RIPOR2: variants seen among roughly 807,000 people sequenced by gnomAD.
The protein encoded by RIPOR2 is rho family-interacting cell polarization regulator 2.
RIPOR2 carries 39 observed loss-of-function variants against 114.5 expected under a neutral mutation model. That is an observed-to-expected ratio of 0.34 (90% CI 0.26 to 0.44). The LOEUF is 0.44. Among genes scored for constraint, RIPOR2 ranks in the 20% least tolerant of loss-of-function variants. The pLI, the probability that RIPOR2 is intolerant of heterozygous loss-of-function variation, is 1.00. For synonymous variants in RIPOR2, 445 were observed against 484.4 expected (o/e 0.92, Z 1.07); for missense variants, 1,007 against 1,255.1 (o/e 0.80, Z 2.99).
chr6:25,039,743 A>G (rs1361835784), intron 1 of RIPOR2, among the ~76,000 whole-genome samples: 5 of 152,238 alleles, frequency 3.3e-5, no homozygotes, highest in Non-Finnish European at 7.3e-5. Flanking sequence ...ACTTAGGATC[A>G]CAACTAATTT....
Position 24,922,684 on chromosome 6 carries a change from AC to A in RIPOR2, c.61+13153del, listed in dbSNP as rs2114111925. On this transcript the variant is annotated intron_variant, in intron 1 of 21. Coordinates refer to ENST00000643898, the MANE Select transcript of RIPOR2 (RefSeq NM_001286445.3). ...AGACCAGCCTGGCCAATGTGGTGAA[AC>A]CCTGTCTCTACCAAAAATACAAAAA... 1.3e-5 allele frequency among the ~76,000 whole-genome samples: 2 copies of A among 151,906 alleles called. 1 individual carries two copies. The highest frequency in any genetic ancestry group is 1.3e-4 in the Admixed American group (2 of 15,252).
rs1288366051 is a variant in RIPOR2, at chr6:24,869,120, T to C, written c.475A>G (p.Arg159Gly). ...KQIKTIERYM[R>G]RLEFHISKVD... Reference sequence around the variant, plus strand: ...TTACTTATATGAAACTCCAGGCGTCTCATGTATCTTTCAATTGTTTTAATT... The same window carrying C: ...TTACTTATATGAAACTCCAGGCGTCCCATGTATCTTTCAATTGTTTTAATT... Residue 159 changes from arginine to glycine, a missense_variant, in exon 6 of 22, where the codon AGA (arginine) becomes GGA (glycine). Physicochemically the swap from Arg to Gly is moderately radical, Grantham distance 125 (BLOSUM62 -2). Coordinates refer to ENST00000643898, the MANE Select transcript of RIPOR2 (RefSeq NM_001286445.3). 3.2e-6 allele frequency: 5 copies of C among 1,586,408 alleles called. No homozygotes were observed. The highest frequency in any genetic ancestry group is 3.4e-6 in the Non-Finnish European group (4 of 1,160,476).
At chr6:24,837,416 G>T (rs971371531) in intron 14 of RIPOR2, among the ~76,000 whole-genome samples, 1 of 151,828 alleles carries the variant, frequency 6.6e-6, no homozygotes, top group African/African-American at 2.4e-5. Context: ...CACCACTCCC[G>T]GCCTTATTTA....
At chr6:24,957,784 A>G (rs535534106) in intron 1 of RIPOR2, among the ~76,000 whole-genome samples, 44 of 152,352 alleles carry the variant, frequency 2.9e-4, no homozygotes, top group Admixed American at 2.9e-3. Context: ...CTGAGGCAGG[A>G]AAATGGAGTG....
At chr6:25,024,155 C>G in intron 1 of RIPOR2, 1 of 1,155,706 alleles carries the variant, frequency 8.7e-7, no homozygotes, top group Non-Finnish European at 1.3e-6. Flanking sequence ...GGGACACCCC[C>G]TCCTGCTGGG....
chr6:24,993,875 C>T, intron 1 of RIPOR2, among the ~76,000 whole-genome samples: 1 of 152,200 alleles, frequency 6.6e-6, no homozygotes, highest in Non-Finnish European at 1.5e-5. Context: ...TACTATCTGA[C>T]TCCTGAGAGC....
At chr6:24,847,517 C>T in intron 12 of RIPOR2, 5 of 1,549,120 alleles carry the variant, frequency 3.2e-6, no homozygotes, top group Non-Finnish European at 3.5e-6. Context: ...GTCAAGCACT[C>T]CATACCCGGG....
At chr6:24,984,526 G>A (rs1196880581) in intron 1 of RIPOR2, among the ~76,000 whole-genome samples, 1 of 152,044 alleles carries the variant, frequency 6.6e-6, no homozygotes, top group African/African-American at 2.4e-5. Context: ...AGGACTAAAT[G>A]AGATAATGCA....
At chr6:24,846,069 C>T (rs1762236379) in intron 12 of RIPOR2, among the ~76,000 whole-genome samples, 1 of 152,128 alleles carries the variant, frequency 6.6e-6, no homozygotes, top group Admixed American at 6.6e-5. Flanking sequence ...GTTTTCTAAC[C>T]TTGTTCTTAT....
At chr6:25,012,476 G>A (rs1008078257) in intron 1 of RIPOR2, among the ~76,000 whole-genome samples, 4 of 152,080 alleles carry the variant, frequency 2.6e-5, no homozygotes, top group African/African-American at 9.7e-5. Context: ...CAACCTAAAT[G>A]TCCATCAATA....
intron 1 of RIPOR2, among the ~76,000 whole-genome samples, chr6:25,014,508 A>T (rs942621867): frequency 6.6e-6 from 1 of 152,238 alleles, no homozygotes; most frequent in Admixed American, 6.5e-5. Context: ...AAGATTGCAC[A>T]TGATTCTGGA....
At chr6:24,946,901 T>C (rs1181710242) in intron 1 of RIPOR2, among the ~76,000 whole-genome samples, 1 of 152,250 alleles carries the variant, frequency 6.6e-6, no homozygotes, top group African/African-American at 2.4e-5. Context: ...CCAAGTGTTT[T>C]TGAAAATTCT....
rs768496097 is a variant in RIPOR2, at chr6:24,843,094, A to G, written c.1625T>C (p.Ile542Thr). 6.2e-7 allele frequency: 1 copy of G among 1,613,882 alleles called. No homozygotes were observed. Among genetic ancestry groups the G allele is most frequent in the Admixed American group, 1.7e-5 (1 of 60,024 alleles). Reference sequence around the variant, plus strand: ...GAGCCTCTTGACCAGCTGCTTTGTGATGTTTCCTTCCGAAGTGTCCAGTTC... The same window carrying G: ...GAGCCTCTTGACCAGCTGCTTTGTGGTGTTTCCTTCCGAAGTGTCCAGTTC... The part of the protein sequence containing the change: ...PVELDTSEGN[I>T]TKQLVKRLTS... Residue 542 changes from isoleucine to threonine, a missense_variant, in exon 13 of 22, where the codon ATC becomes ACC. Coordinates refer to ENST00000643898, the MANE Select transcript of RIPOR2 (RefSeq NM_001286445.3).
At chr6:24,838,976 T>C (rs1761369499) in intron 14 of RIPOR2, 115 bp downstream of exon 14, 3 of 813,834 alleles carry the variant, frequency 3.7e-6, no homozygotes, top group Admixed American at 2.9e-5. Context: ...TGGTCACTCA[T>C]GTGGAGAGTT....
intron 1 of RIPOR2, among the ~76,000 whole-genome samples, chr6:24,946,266 G>T (rs1296041001): frequency 2.6e-5 from 4 of 152,010 alleles, no homozygotes; most frequent in Non-Finnish European, 4.4e-5. Context: ...GTAGAGATGA[G>T]GTTTCACCAT....
chr6:24,947,375 G>A (rs930554752), intron 1 of RIPOR2, among the ~76,000 whole-genome samples: 1 of 152,182 alleles, frequency 6.6e-6, no homozygotes, highest in Non-Finnish European at 1.5e-5. Flanking sequence ...GAATTATCGA[G>A]TAAGAAATCA....
intron 1 of RIPOR2, chr6:24,976,886 G>C (rs1326505190): frequency 2.2e-5 from 36 of 1,607,296 alleles, no homozygotes; most frequent in Middle Eastern, 1.6e-4. Context: ...AGTGAAAGAA[G>C]GCATGAATAT....
At chr6:24,996,547 G>T (rs1441056266) in intron 1 of RIPOR2, among the ~76,000 whole-genome samples, 1 of 152,130 alleles carries the variant, frequency 6.6e-6, no homozygotes, top group Non-Finnish European at 1.5e-5. Flanking sequence ...GCCCTGTGCT[G>T]CCCCTTTCCC....
chr6:24,839,516 A>G (rs1761426178), intron 13 of RIPOR2: 1 of 1,402,190 alleles, frequency 7.1e-7, no homozygotes, highest in East Asian at 2.5e-5. Flanking sequence ...GTTGAAGAAT[A>G]GGAAACAAGA....
Sources: gnomAD v4.1 joint callset for allele counts (sites outside exome capture counted in the v4.1 genomes callset) on GRCh38, gnomAD v4.1.1 for gene constraint, MANE v1.5 for transcripts, NCBI Gene and HGNC (gene_info 2026-07-23, HGNC 2026-07-21) for gene names.